The following RPGR variants were observed in gnomAD, a reference collection of about 807,000 sequenced individuals.
The protein encoded by RPGR is X-linked retinitis pigmentosa GTPase regulator.
In RPGR, 10 loss-of-function variants were observed where a neutral mutation model predicts 56.3. The ratio of observed to expected loss-of-function variants is 0.18; its 90% CI spans 0.11 to 0.30. The LOEUF (loss-of-function observed/expected upper bound fraction) is 0.30. RPGR is among the 10% of genes least tolerant of loss of function. RPGR has a pLI of 1.00. For synonymous variants in RPGR, 197 were observed against 212.9 expected, an observed-to-expected ratio of 0.93 and a Z score of 0.65; for missense variants, 538 against 590.9, an observed-to-expected ratio of 0.91 and a Z score of 0.93.
rs2067497906 is a variant in RPGR at position 38,301,366 on chromosome X, C to T, written c.940G>A (p.Gly314Ser). 1 of 1,203,627 alleles carries T rather than the reference C, an allele frequency of 8.3e-7. No individual in the cohort carries two copies. Among genetic ancestry groups the T allele is most frequent in the Non-Finnish European group, 1.1e-6 (1 of 889,049 alleles). ...CCATCTCCAAAAGTATACATAAGGCCGATATCTAAAATGCAAAAATAATGA... is the reference window on the plus strand; with the variant it reads ...CCATCTCCAAAAGTATACATAAGGCTGATATCTAAAATGCAAAAATAATGA... Residue 314 changes from glycine (G) to serine (S), a missense_variant, in exon 9 of 19, where the codon GGC (glycine) becomes AGC (serine). This residue lies in a region of RPGR where 181 missense variants were observed against 265.1 expected (regional missense o/e 0.68). Transcript: ENST00000642395.
chrX:38,299,900 T>C (rs1390361791), intron 9 of RPGR, among the ~76,000 whole-genome samples: 1 of 111,661 alleles, frequency 9.0e-6, no homozygotes, highest in Non-Finnish European at 1.9e-5. Flanking sequence ...CCTCAATGAA[T>C]GAGGTCCTGG....
At chrX:38,301,803 G>C (rs995129967) in intron 8 of RPGR, among the ~76,000 whole-genome samples, 1 of 111,011 alleles carries the variant, frequency 9.0e-6, no homozygotes, top group Admixed American at 9.6e-5. Flanking sequence ...GACATTTGGG[G>C]CCAGATAATT....
chrX:38,303,222 T>C (rs1470997142), intron 8 of RPGR, among the ~76,000 whole-genome samples: 3 of 110,190 alleles, frequency 2.7e-5, no homozygotes, highest in African/African-American at 9.9e-5. Context: ...ACTTTCAACC[T>C]CAGAGAGCTT....
At chrX:38,281,759 C>G (rs1293249359) in intron 15 of RPGR, among the ~76,000 whole-genome samples, 1 of 111,635 alleles carries the variant, frequency 9.0e-6, no homozygotes, top group Non-Finnish European at 1.9e-5. Context: ...ACAACCACCA[C>G]CACCACCACC....
chrX:38,323,043 T>C (rs1366873776), intron 2 of RPGR, 98 bp from the exon 3 acceptor site: 12 of 654,424 alleles, frequency 1.8e-5, no homozygotes, highest in Non-Finnish European at 3.0e-5. Flanking sequence ...TTTTAAAATG[T>C]CACTGCTTTT....
chrX:38,315,147 T>A (rs1007861981), intron 6 of RPGR, among the ~76,000 whole-genome samples: 2 of 111,147 alleles, frequency 1.8e-5, no homozygotes, highest in African/African-American at 6.5e-5. Context: ...CTGACCAACA[T>A]GGTGAAACCC....
chrX:38,283,589 G>C (rs764759225), intron 15 of RPGR, among the ~76,000 whole-genome samples: 7 of 112,262 alleles, frequency 6.2e-5, no homozygotes, highest in African/African-American at 1.9e-4. Flanking sequence ...TTCTCCACTA[G>C]AAAACAATGC....
intron 7 of RPGR, among the ~76,000 whole-genome samples, chrX:38,306,187 T>C (rs1332520310): frequency 8.9e-6 from 1 of 111,779 alleles, no homozygotes; most frequent in African/African-American, 3.3e-5. Flanking sequence ...TTTCTCCTAT[T>C]ACAGCAGGAA....
At chrX:38,295,441 T>A (rs1465383273) in intron 11 of RPGR, among the ~76,000 whole-genome samples, 1 of 112,468 alleles carries the variant, frequency 8.9e-6, no homozygotes, top group South Asian at 3.6e-4. Context: ...AGAGATGGCA[T>A]TTCCTTTTGA....
chrX:38,290,635 A>G (rs755713210), intron 13 of RPGR, among the ~76,000 whole-genome samples: 5 of 112,071 alleles, frequency 4.5e-5, no homozygotes, highest in African/African-American at 1.6e-4. Context: ...CACTCTATCA[A>G]TAAATGGTAG....
At chrX:38,300,161 G>A (rs1318851443) in intron 9 of RPGR, among the ~76,000 whole-genome samples, 1 of 111,395 alleles carries the variant, frequency 9.0e-6, no homozygotes, top group African/African-American at 3.3e-5. Context: ...TGTTAGCCAG[G>A]CTGGTCTTGA....
intron 6 of RPGR, among the ~76,000 whole-genome samples, chrX:38,313,345 A>T (rs2067758352): frequency 1.8e-5 from 2 of 112,342 alleles, no homozygotes; most frequent in African/African-American, 6.5e-5. Context: ...AGCAAAAAGT[A>T]TGTGCTACAG....
intron 6 of RPGR, among the ~76,000 whole-genome samples, chrX:38,311,650 T>A (rs534013401): frequency 1.3e-4 from 14 of 111,655 alleles, no homozygotes; most frequent in African/African-American, 3.9e-4. Context: ...TTGTTATATA[T>A]ACCAGAGCAA....
intron 7 of RPGR, among the ~76,000 whole-genome samples, chrX:38,309,051 TATA>T (rs1284613376): frequency 9.8e-5 from 11 of 112,108 alleles, no homozygotes; most frequent in Non-Finnish European, 1.9e-4. Flanking sequence ...GTGCAAAAAA[TATA>T]ATAATAATTC....
intron 16 of RPGR, among the ~76,000 whole-genome samples, chrX:38,275,850 CT>C (rs1462862735): frequency 2.7e-5 from 3 of 111,677 alleles, no homozygotes; most frequent in Non-Finnish European, 3.8e-5. Flanking sequence ...ACTCAGTGTT[CT>C]GCATGAGAGG....
At chrX:38,290,931 A>G in intron 13 of RPGR, 28 bp downstream of exon 13, 1 of 805,615 alleles carries the variant, frequency 1.2e-6, no homozygotes, top group South Asian at 2.5e-5. Flanking sequence ...CTCACCAACA[A>G]TAACGAAAAT....
At chrX:38,285,124 C>T (rs1374187343) in intron 15 of RPGR, 42 of 754,732 alleles carry the variant, frequency 5.6e-5, no homozygotes, top group Non-Finnish European at 6.5e-5. Context: ...AAAAAAAGTG[C>T]TAACATATTT....
chrX:38,303,358 G>A (rs1028950186), intron 8 of RPGR, among the ~76,000 whole-genome samples: 4 of 111,182 alleles, frequency 3.6e-5, no homozygotes, highest in South Asian at 3.8e-4. Context: ...CTCCAGGGAC[G>A]ATTGATGAAC....
Position 38,269,589 on chromosome X carries a change from C to T in RPGR, c.*37G>A, listed in dbSNP as rs757282676. 25 of 1,014,746 alleles carry T rather than the reference C, an allele frequency of 2.5e-5. No homozygotes were observed. Among genetic ancestry groups the T allele is most frequent in the Non-Finnish European group, 3.3e-5 (24 of 720,161 alleles). The allele number at this position is 1,014,746 out of a possible 1,213,427, so 83.6% of individuals were successfully genotyped here. A position where few individuals can be genotyped will look rare whatever the true frequency, so the allele number is the denominator to read the frequency against. On this transcript the variant is annotated 3_prime_UTR_variant, in exon 19 of 19. Transcript: ENST00000642395. ...TATAACATTTTTCAAGTATACATTACAATACACTTGGTGACTGTGAAAACA... is the reference window on the plus strand; with the variant it reads ...TATAACATTTTTCAAGTATACATTATAATACACTTGGTGACTGTGAAAACA...
Sources: gnomAD v4.1 joint callset for allele counts (sites outside exome capture counted in the v4.1 genomes callset) on GRCh38, gnomAD v4.1.1 for gene constraint, gnomAD v4.1.1 regional missense constraint, MANE v1.5 for transcripts, NCBI Gene and HGNC (gene_info 2026-07-23, HGNC 2026-07-21) for gene names.